FAM222A: variants seen among roughly 807,000 people sequenced by gnomAD.
FAM222A encodes the protein family with sequence similarity 222 member A.
In FAM222A, 7 loss-of-function variants were observed where a neutral mutation model predicts 25.8. The ratio of observed to expected loss-of-function variants is 0.27; its 90% CI spans 0.15 to 0.51. The LOEUF is 0.51. Among genes scored for constraint, FAM222A ranks in the 20% least tolerant of loss-of-function variants. FAM222A has a pLI of 0.97. For missense variants in FAM222A, 573 were observed against 640.5 expected (o/e 0.89, Z 1.14); for synonymous variants, 294 against 298.8 (o/e 0.98, Z 0.17).
At chr12:109,754,674 T>C (rs1888664797) in intron 2 of FAM222A, among the ~76,000 whole-genome samples, 1 of 152,048 alleles carries the variant, frequency 6.6e-6, no homozygotes, top group Non-Finnish European at 1.5e-5. Context: ...CTCTTTTTTT[T>C]TTTTTTTCTT....
At chr12:109,761,557 C>G (rs1888896635) in intron 2 of FAM222A, among the ~76,000 whole-genome samples, 1 of 152,228 alleles carries the variant, frequency 6.6e-6, no homozygotes, top group Admixed American at 6.5e-5. Flanking sequence ...CACCTTGGTT[C>G]TATCTCCTTC....
At chr12:109,727,007 G>A (rs929991924) in intron 1 of FAM222A, among the ~76,000 whole-genome samples, 17 of 152,210 alleles carry the variant, frequency 1.1e-4, no homozygotes, top group African/African-American at 4.1e-4. Flanking sequence ...AGGTGGCCGG[G>A]CTGGGAGGTG....
intron 1 of FAM222A, among the ~76,000 whole-genome samples, chr12:109,718,841 G>A (rs949650510): frequency 6.6e-6 from 1 of 152,254 alleles, no homozygotes; most frequent in African/African-American, 2.4e-5. Context: ...TAGTCTGCAC[G>A]GGCTGGGTGT....
chr12:109,720,712 G>C (rs1887731101), intron 1 of FAM222A, among the ~76,000 whole-genome samples: 1 of 152,246 alleles, frequency 6.6e-6, no homozygotes, highest in African/African-American at 2.4e-5. Context: ...CTGGGGACAT[G>C]AAGATGAACA....
chr12:109,725,876 A>AG (rs1887831339), intron 1 of FAM222A, among the ~76,000 whole-genome samples: 1 of 152,048 alleles, frequency 6.6e-6, no homozygotes, highest in Non-Finnish European at 1.5e-5. Flanking sequence ...TAAACATAAA[A>AG]GGGAAACTCC....
intron 1 of FAM222A, among the ~76,000 whole-genome samples, chr12:109,719,427 C>G (rs1361672462): frequency 1.3e-5 from 2 of 152,216 alleles, no homozygotes; most frequent in Non-Finnish European, 2.9e-5. Flanking sequence ...TAAAACCAGG[C>G]TTTAGGTAAA....
rs115890905 is a variant in FAM222A, at chr12:109,765,113, A to C, written c.83-2899A>C. Among the ~76,000 whole-genome samples, 1,073 of 152,340 alleles carry C rather than the reference A, an allele frequency of 7.0e-3. 14 individuals are homozygous for C. Among genetic ancestry groups the C allele is most frequent in the African/African-American group, 0.024 (1,016 of 41,568 alleles). Reference sequence around the variant, plus strand: ...TAAGCCCACTGAAGCTCATTTGCCTAGGCTCATAGGCCTGCCCATGCCTTA... The same window carrying C: ...TAAGCCCACTGAAGCTCATTTGCCTCGGCTCATAGGCCTGCCCATGCCTTA... On this transcript the variant is annotated intron_variant, in intron 2 of 2. Coordinates refer to ENST00000538780, the MANE Select transcript of FAM222A (RefSeq NM_032829.3).
chr12:109,733,500 T>C (rs1887999181), intron 1 of FAM222A, among the ~76,000 whole-genome samples: 1 of 151,480 alleles, frequency 6.6e-6, no homozygotes, highest in Non-Finnish European at 1.5e-5. Context: ...GCCTCCCGGG[T>C]TCACGCCATT....
chr12:109,724,228 C>A (rs373136904), intron 1 of FAM222A, among the ~76,000 whole-genome samples: 23 of 152,284 alleles, frequency 1.5e-4, no homozygotes, highest in African/African-American at 5.3e-4. Context: ...TGCCATGGTT[C>A]AAGTACCAGG....
intron 2 of FAM222A, among the ~76,000 whole-genome samples, chr12:109,763,570 G>A (rs1888958264): frequency 6.6e-6 from 1 of 152,342 alleles, no homozygotes; most frequent in South Asian, 2.1e-4. Flanking sequence ...GGCTACATGG[G>A]CCTCTTTCTC....
intron 1 of FAM222A, among the ~76,000 whole-genome samples, chr12:109,716,819 G>A (rs973362404): frequency 6.6e-6 from 1 of 152,254 alleles, no homozygotes; most frequent in African/African-American, 2.4e-5. Context: ...CAGCGTGCCA[G>A]ACGATGAGCA....
intron 1 of FAM222A, among the ~76,000 whole-genome samples, chr12:109,723,567 C>T (rs1222597072): frequency 2.0e-5 from 3 of 151,924 alleles, no homozygotes; most frequent in Non-Finnish European, 2.9e-5. Flanking sequence ...TCATTAGACC[C>T]GCAGTCAGGG....
intron 2 of FAM222A, among the ~76,000 whole-genome samples, chr12:109,750,896 A>G (rs1789819950): frequency 6.6e-6 from 1 of 151,010 alleles, no homozygotes; most frequent in South Asian, 2.1e-4. Flanking sequence ...TTTTTCCCCC[A>G]TCTATTTGAT....
chr12:109,733,536 T>A (rs1888000815), intron 1 of FAM222A, among the ~76,000 whole-genome samples: 1 of 152,114 alleles, frequency 6.6e-6, no homozygotes, highest in Non-Finnish European at 1.5e-5. Context: ...CCTGAGTAGC[T>A]GGGACTACAG....
intron 2 of FAM222A, among the ~76,000 whole-genome samples, chr12:109,759,776 C>T (rs1292687832): frequency 6.6e-6 from 1 of 152,208 alleles, no homozygotes; most frequent in Non-Finnish European, 1.5e-5. Context: ...CCTGCAACCT[C>T]TCAAAGGCCT....
intron 1 of FAM222A, among the ~76,000 whole-genome samples, chr12:109,725,393 C>T (rs1260110752): frequency 6.6e-6 from 1 of 151,834 alleles, no homozygotes; most frequent in Non-Finnish European, 1.5e-5. Context: ...AGAGCCAGGC[C>T]AGCCAAGTCC....
At chr12:109,717,331 T>C (rs1291440761) in intron 1 of FAM222A, among the ~76,000 whole-genome samples, 8 of 152,218 alleles carry the variant, frequency 5.3e-5, no homozygotes. Flanking sequence ...CCTTGTCACC[T>C]GCCCTTCTGG....
intron 2 of FAM222A, among the ~76,000 whole-genome samples, chr12:109,750,323 A>G (rs886904149): frequency 2.6e-5 from 4 of 152,200 alleles, no homozygotes; most frequent in African/African-American, 9.6e-5. Context: ...TCAAAACTCT[A>G]TTGTCTAACA....
At chr12:109,741,639 G>A (rs1304311175) in intron 1 of FAM222A, among the ~76,000 whole-genome samples, 1 of 152,224 alleles carries the variant, frequency 6.6e-6, no homozygotes, top group Non-Finnish European at 1.5e-5. Flanking sequence ...TGGACTTCTG[G>A]ACCCCAGTAA....
Sources: allele counts gnomAD v4.1 joint callset (sites outside exome capture counted in the v4.1 genomes callset), GRCh38; gene constraint gnomAD v4.1.1; transcripts MANE v1.5; gene names NCBI Gene and HGNC (gene_info 2026-07-23, HGNC 2026-07-21).